The following SOX6 variants were observed in gnomAD, a reference collection of about 807,000 sequenced individuals.
The protein encoded by SOX6 is transcription factor SOX-6.
SOX6 carries 11 observed loss-of-function variants against 97.8 expected under a neutral mutation model. The observed-to-expected ratio is 0.11, with a 90% CI of 0.07 to 0.19. The LOEUF is 0.19. Among genes scored for constraint, SOX6 ranks in the 10% least tolerant of loss-of-function variants. The pLI is 1.00. For synonymous variants in SOX6, 360 were observed against 371.4 expected (o/e 0.97, Z 0.35); for missense variants, 810 against 1,039.5 (o/e 0.78, Z 3.04).
intron 3 of SOX6, among the ~76,000 whole-genome samples, chr11:16,638,232 A>G (rs1449883835): frequency 6.6e-6 from 1 of 152,020 alleles, no homozygotes; most frequent in Non-Finnish European, 1.5e-5. Flanking sequence ...AAAGGACATG[A>G]ACTCATCATT....
intron 3 of SOX6, chr11:16,646,332 G>T (rs2134009351): frequency 6.6e-6 from 1 of 152,114 alleles, no homozygotes; most frequent in East Asian, 1.9e-4. Context: ...AGGTGAGAAA[G>T]GTATAAATAA....
chr11:16,721,500 G>GTCTCTCTCTC (rs763713850), intron 2 of SOX6, among the ~76,000 whole-genome samples: 9 of 28,670 alleles, frequency 3.1e-4, no homozygotes, highest in East Asian at 1.2e-3. Context: ...GGTCTTTTCT[G>GTCTCTCTCTC]TCTCTCTCTC....
intron 4 of SOX6, among the ~76,000 whole-genome samples, chr11:16,521,273 T>A (rs2133160921): frequency 6.6e-6 from 1 of 152,238 alleles, no homozygotes; most frequent in South Asian, 2.1e-4. Flanking sequence ...GGTACTCCTC[T>A]GAGACAAAAC....
intron 15 of SOX6, among the ~76,000 whole-genome samples, chr11:15,974,988 T>C (rs1308361272): frequency 6.6e-6 from 1 of 152,118 alleles, no homozygotes; most frequent in East Asian, 1.9e-4. Flanking sequence ...CTGACTTGAA[T>C]CCCATCACTC....
intron 2 of SOX6, among the ~76,000 whole-genome samples, chr11:16,715,091 G>A (rs1027872101): frequency 1.3e-5 from 2 of 152,154 alleles, no homozygotes; most frequent in Admixed American, 1.3e-4. Flanking sequence ...CTCCCATTCT[G>A]TTATGGAAAG....
At chr11:16,612,414 T>C (rs1485629105) in intron 3 of SOX6, among the ~76,000 whole-genome samples, 1 of 152,182 alleles carries the variant, frequency 6.6e-6, no homozygotes, top group Non-Finnish European at 1.5e-5. Flanking sequence ...ACCATAGAAT[T>C]AAAATAAGGC....
At chr11:16,226,560 C>T (rs1233261317) in intron 4 of SOX6, among the ~76,000 whole-genome samples, 1 of 152,168 alleles carries the variant, frequency 6.6e-6, no homozygotes, top group African/African-American at 2.4e-5. Context: ...CTCAGGGAGA[C>T]AGAGAATGAA....
At chr11:16,555,894 T>C (rs1847743682) in intron 4 of SOX6, among the ~76,000 whole-genome samples, 1 of 151,766 alleles carries the variant, frequency 6.6e-6, no homozygotes. Flanking sequence ...ATAATTCTTT[T>C]CATATAAATA....
chr11:16,440,662 GT>G (rs1429577739), intron 1 of SOX6, among the ~76,000 whole-genome samples: 2 of 152,082 alleles, frequency 1.3e-5, no homozygotes, highest in Non-Finnish European at 2.9e-5. Flanking sequence ...TCCCTTTCAA[GT>G]CCATTTCTTT....
intron 11 of SOX6, among the ~76,000 whole-genome samples, chr11:16,047,153 G>A (rs1273146319): frequency 1.3e-5 from 2 of 152,104 alleles, no homozygotes; most frequent in Non-Finnish European, 2.9e-5. Context: ...GTCATTTCTG[G>A]CCCGCAGAAA....
intron 1 of SOX6, among the ~76,000 whole-genome samples, chr11:16,437,992 T>C (rs1264306204): frequency 6.6e-6 from 1 of 151,768 alleles, no homozygotes; most frequent in East Asian, 1.9e-4. Context: ...TAAACAATAT[T>C]GGATAAGCCT....
At chr11:16,531,150 T>C (rs1861230300) in intron 4 of SOX6, among the ~76,000 whole-genome samples, 1 of 150,702 alleles carries the variant, frequency 6.6e-6, no homozygotes, top group South Asian at 2.1e-4. Context: ...AAGAGAATGT[T>C]TCCTCATAGA....
chr11:16,343,946 C>G (rs562911766), intron 1 of SOX6, among the ~76,000 whole-genome samples: 2 of 151,878 alleles, frequency 1.3e-5, no homozygotes, highest in Non-Finnish European at 2.9e-5. Flanking sequence ...TGTTCATTCT[C>G]AGTTCACACT....
intron 4 of SOX6, among the ~76,000 whole-genome samples, chr11:16,217,161 G>A (rs980044492): frequency 3.0e-4 from 46 of 152,084 alleles, no homozygotes; most frequent in African/African-American, 9.2e-4. Context: ...TTGATGTTAC[G>A]GACATAAACT....
At chr11:16,375,429 G>A (rs1857618128) in intron 1 of SOX6, among the ~76,000 whole-genome samples, 1 of 151,112 alleles carries the variant, frequency 6.6e-6, no homozygotes, top group African/African-American at 2.4e-5. Flanking sequence ...GTTAAAATTA[G>A]AACCCAGTTC....
chr11:16,727,809 T>A (rs1564878965), intron 2 of SOX6, among the ~76,000 whole-genome samples: 1 of 152,182 alleles, frequency 6.6e-6, no homozygotes, highest in Non-Finnish European at 1.5e-5. Context: ...TTCTCTTTTT[T>A]AATTTTTTTC....
At chr11:16,219,836 T>G (rs10832563) in intron 4 of SOX6, among the ~76,000 whole-genome samples, 1 of 151,580 alleles carries the variant, frequency 6.6e-6, no homozygotes, top group African/African-American at 2.4e-5. Context: ...AAACTAAAGA[T>G]ATACCCAGAG....
intron 3 of SOX6, among the ~76,000 whole-genome samples, chr11:16,706,859 A>T (rs150557755): frequency 0.011 from 1,688 of 152,202 alleles, 24 homozygotes; most frequent in African/African-American, 0.038. Flanking sequence ...ATTCTAGGCA[A>T]AAATTCTCCT....
intron 1 of SOX6, among the ~76,000 whole-genome samples, chr11:16,442,689 G>T (rs755531853): frequency 6.6e-6 from 1 of 151,968 alleles, no homozygotes; most frequent in Non-Finnish European, 1.5e-5. Flanking sequence ...ACTCAAAAAG[G>T]ACCATTTTAA....
Sources: allele counts gnomAD v4.1 joint callset (sites outside exome capture counted in the v4.1 genomes callset), GRCh38; gene constraint gnomAD v4.1.1; transcripts MANE v1.5; gene names NCBI Gene and HGNC (gene_info 2026-07-23, HGNC 2026-07-21).